COL21A1: variants seen among roughly 807,000 people sequenced by gnomAD.
COL21A1 encodes the protein collagen alpha-1(XXI) chain.
In COL21A1, 149 loss-of-function variants were observed where a neutral mutation model predicts 137.9. The observed-to-expected ratio is 1.08, with a 90% CI of 0.95 to 1.24. COL21A1 has a LOEUF of 1.24. Ranked by LOEUF, COL21A1 falls within the 50% of genes most tolerant of loss-of-function variation. The pLI is 0.00. For missense variants in COL21A1, 1,167 were observed against 1,158.4 expected (o/e 1.01, Z -0.11); for synonymous variants, 456 against 391.5 (o/e 1.16, Z -1.95).
chr6:56,163,326 G>T (rs185480232), intron 9 of COL21A1, among the ~76,000 whole-genome samples: 10 of 152,252 alleles, frequency 6.6e-5, no homozygotes, highest in African/African-American at 2.4e-4. Flanking sequence ...AAGTAAACAA[G>T]ATTTATATAT....
chr6:56,357,840 G>A (rs2152347895), intron 1 of COL21A1, among the ~76,000 whole-genome samples: 1 of 152,216 alleles, frequency 6.6e-6, no homozygotes, highest in South Asian at 2.1e-4. Flanking sequence ...GGAGATAATA[G>A]GCATCTTCTA....
At chr6:56,267,056 A>G (rs1222655597) in intron 1 of COL21A1, among the ~76,000 whole-genome samples, 1 of 152,224 alleles carries the variant, frequency 6.6e-6, no homozygotes, top group African/African-American at 2.4e-5. Flanking sequence ...AGAAGTCTAG[A>G]TGATTAATCT....
At chr6:56,392,046 A>C (rs1479725683) in intron 1 of COL21A1, among the ~76,000 whole-genome samples, 1 of 152,158 alleles carries the variant, frequency 6.6e-6, no homozygotes, top group African/African-American at 2.4e-5. Flanking sequence ...AGACAAAGAC[A>C]CAACAAAAGA....
At chr6:56,318,210 C>T (rs1161558985) in intron 1 of COL21A1, among the ~76,000 whole-genome samples, 2 of 152,008 alleles carry the variant, frequency 1.3e-5, no homozygotes, top group African/African-American at 2.4e-5. Context: ...AACCTCAAAC[C>T]CCTTTCTTCT....
At position 56,200,136 on chromosome 6, in the gene COL21A1, C is replaced by T. The variant is rs1378604573; in HGVS notation, c.-38-17480G>A. ...ATTGATGGAGTAAGTTTGGTTTGTC[C>T]CAGGAACAGAAAGGTCAGTGAGTCA... On this transcript the variant is annotated intron_variant, in intron 1 of 29. Coordinates refer to ENST00000244728, the MANE Select transcript of COL21A1 (RefSeq NM_030820.4). 5.9e-5 allele frequency among the ~76,000 whole-genome samples: 9 copies of T among 151,974 alleles called. No homozygotes were observed. The South Asian group carries it at 1.0e-3, about 17-fold the overall frequency.
At chr6:56,343,776 A>G (rs1343781905) in intron 1 of COL21A1, among the ~76,000 whole-genome samples, 2 of 152,188 alleles carry the variant, frequency 1.3e-5, no homozygotes, top group East Asian at 3.8e-4. Flanking sequence ...TCCTGTTTGT[A>G]CAAAAAAAAT....
At chr6:56,372,932 G>C (rs1470741893) in intron 1 of COL21A1, among the ~76,000 whole-genome samples, 3 of 152,062 alleles carry the variant, frequency 2.0e-5, no homozygotes, top group African/African-American at 7.2e-5. Flanking sequence ...AATGTCAGAT[G>C]TTTGATTTCC....
intron 12 of COL21A1, among the ~76,000 whole-genome samples, chr6:56,139,041 G>C (rs752499233): frequency 2.0e-5 from 3 of 152,070 alleles, no homozygotes; most frequent in Non-Finnish European, 4.4e-5. Flanking sequence ...GAGGAGGAAA[G>C]GCAGAATATA....
chr6:56,181,033 C>T (rs1290599931), intron 2 of COL21A1, among the ~76,000 whole-genome samples: 1 of 152,220 alleles, frequency 6.6e-6, no homozygotes, highest in Non-Finnish European at 1.5e-5. Flanking sequence ...ATCATAAAAC[C>T]TTTCCTGACC....
intron 10 of COL21A1, among the ~76,000 whole-genome samples, chr6:56,151,047 C>A (rs1775279827): frequency 7.0e-6 from 1 of 143,398 alleles, no homozygotes; most frequent in African/African-American, 2.7e-5. Flanking sequence ...CATGGTGAAA[C>A]CCCATCTCTA....
In COL21A1 at chr6:56,240,203, C is replaced by CT. The variant is rs1177767542; in HGVS notation, c.-39+7183dup. 1.2e-4 allele frequency among the ~76,000 whole-genome samples: 17 copies of CT among 145,244 alleles called. 1 individual carries two copies. The highest frequency in any genetic ancestry group is 4.4e-4 in the African/African-American group (17 of 38,854). On this transcript the variant is annotated intron_variant, in intron 1 of 29. Transcript: ENST00000244728. ...ATAAACTACCCAGTCTCAGGTATGT[C>CT]TTTATCAGCAGTGTGAGAACAGAAT...
At chr6:56,165,169 GA>G (rs914355109) in intron 7 of COL21A1, among the ~76,000 whole-genome samples, 10 of 151,916 alleles carry the variant, frequency 6.6e-5, no homozygotes, top group Admixed American at 4.6e-4. Flanking sequence ...TTAAGAACCA[GA>G]AAAAAAATGT....
rs755437263 is a variant in COL21A1, at chr6:56,180,131, T to G, written c.89-2A>C. ...AATCTGTCGGAGCAGTACGACAACC[T>G]AAGTGCAAAAGAAAACCATCATAGC... On this transcript the variant is annotated splice_acceptor_variant, in intron 2 of 29. Transcript: ENST00000244728. LOFTEE classifies it high-confidence loss of function. 7 of 1,596,558 alleles carry G rather than the reference T, an allele frequency of 4.4e-6. No homozygotes were observed. The African/African-American group carries it at 8.1e-5, about 19-fold the overall frequency.
At chr6:56,122,494 TA>T (rs571904759) in intron 16 of COL21A1, among the ~76,000 whole-genome samples, 10 of 152,134 alleles carry the variant, frequency 6.6e-5, no homozygotes, top group Non-Finnish European at 1.5e-4. Flanking sequence ...TTTGTATTTT[TA>T]ATAGGGCATG....
chr6:56,122,254 T>A (rs935006014), intron 16 of COL21A1, among the ~76,000 whole-genome samples: 2 of 151,738 alleles, frequency 1.3e-5, no homozygotes, highest in Non-Finnish European at 2.9e-5. Flanking sequence ...AAGGGTTTAA[T>A]GTACGGGTAG....
intron 16 of COL21A1, among the ~76,000 whole-genome samples, chr6:56,109,529 T>C (rs1771229821): frequency 6.6e-6 from 1 of 151,618 alleles, no homozygotes; most frequent in Non-Finnish European, 1.5e-5. Context: ...AACAGACAAA[T>C]TCCCATGGAA....
intron 1 of COL21A1, among the ~76,000 whole-genome samples, chr6:56,231,741 T>C (rs1781576895): frequency 6.6e-6 from 1 of 151,822 alleles, no homozygotes; most frequent in Admixed American, 6.6e-5. Flanking sequence ...TTTTCTATAA[T>C]TAACATTTTA....
chr6:56,149,609 C>G (rs1259486259), intron 10 of COL21A1, among the ~76,000 whole-genome samples: 1 of 152,196 alleles, frequency 6.6e-6, no homozygotes. Context: ...GCCAAAACCA[C>G]ACTCCTGATT....
intron 1 of COL21A1, among the ~76,000 whole-genome samples, chr6:56,212,780 A>C (rs1275040945): frequency 6.6e-6 from 1 of 152,078 alleles, no homozygotes; most frequent in African/African-American, 2.4e-5. Flanking sequence ...GTTCACAAGG[A>C]TGTGAAATGC....
Sources: gnomAD v4.1 joint callset for allele counts (sites outside exome capture counted in the v4.1 genomes callset) on GRCh38, gnomAD v4.1.1 for gene constraint, MANE v1.5 for transcripts, NCBI Gene and HGNC (gene_info 2026-07-23, HGNC 2026-07-21) for gene names.